NPHP4: variants seen among roughly 807,000 people sequenced by gnomAD.
NPHP4 encodes the protein nephrocystin 4, also known as nephrocystin-4.
In NPHP4, 151 loss-of-function variants were observed where a neutral mutation model predicts 155.8. The observed-to-expected ratio is 0.97, with a 90% CI of 0.85 to 1.11. The LOEUF is 1.11. Ranked by LOEUF, NPHP4 falls within the 50% of genes least tolerant of loss-of-function variation. NPHP4 has a pLI of 0.00. For synonymous variants in NPHP4, 845 were observed against 816.8 expected (o/e 1.03, Z -0.59); for missense variants, 1,956 against 1,925.7 (o/e 1.02, Z -0.29).
intron 3 of NPHP4, among the ~76,000 whole-genome samples, chr1:5,970,595 A>G (rs1652381082): frequency 6.6e-6 from 1 of 152,170 alleles, no homozygotes; most frequent in African/African-American, 2.4e-5. Context: ...GCGCATCCCC[A>G]GGCATCAGGA....
rs563403754 is a variant in NPHP4 at position 5,910,690 on chromosome 1, G to A, written c.1442-1477C>T. ...AATCCCAAAAAAACAAAAACAACAA[G>A]GAAAATGCTGTCGACCAAGGAGAAA... On this transcript the variant is annotated intron_variant, in intron 11 of 29. Transcript: ENST00000378156. This position sits in a 1 kb window ranked among gnomAD's most constrained non-coding sequence, Gnocchi z 5.4. Among the ~76,000 whole-genome samples, 4 of 152,298 alleles carry A rather than the reference G, an allele frequency of 2.6e-5. No homozygotes were observed. The highest frequency in any genetic ancestry group is 1.3e-4 in the Admixed American group (2 of 15,300).
At chr1:5,885,728 C>A (rs904442198) in intron 18 of NPHP4, among the ~76,000 whole-genome samples, 2 of 152,250 alleles carry the variant, frequency 1.3e-5, no homozygotes, top group East Asian at 1.9e-4. Flanking sequence ...GGTAACCCTG[C>A]AGGCTTCCAT....
chr1:5,946,862 C>G (rs1349481358), intron 9 of NPHP4, among the ~76,000 whole-genome samples: 3 of 152,252 alleles, frequency 2.0e-5, no homozygotes, highest in African/African-American at 7.2e-5. Context: ...GCCCAGAGGG[C>G]GGTGCCCAGG....
intron 16 of NPHP4, among the ~76,000 whole-genome samples, chr1:5,901,861 A>C (rs2101079256): frequency 6.6e-6 from 1 of 152,294 alleles, no homozygotes; most frequent in Non-Finnish European, 1.5e-5. Context: ...TGTCTACCAA[A>C]GGCCTCAGGA....
Position 5,889,527 on chromosome 1 carries a change from G to A in NPHP4, c.2304+1341C>T, listed in dbSNP as rs1052995412. Reference sequence around the variant, plus strand: ...GTCTCCAGGTGGCACAGCAAAGAGGGGGCACAAGGCTCGGCTGGGCACGAC... The same window carrying A: ...GTCTCCAGGTGGCACAGCAAAGAGGAGGCACAAGGCTCGGCTGGGCACGAC... On this transcript the variant is annotated intron_variant, in intron 17 of 29. Transcript: ENST00000378156. The surrounding 1 kb of genome is among the most constrained non-coding windows in gnomAD (Gnocchi z 4.2). 2.0e-5 allele frequency among the ~76,000 whole-genome samples: 3 copies of A among 151,790 alleles called. No individual in the cohort carries two copies. Among genetic ancestry groups the A allele is most frequent in the African/African-American group, 7.3e-5 (3 of 41,296 alleles).
chr1:5,935,752 G>T lies in NPHP4; in HGVS notation c.1120-2423C>A, dbSNP rs144741296. Among the ~76,000 whole-genome samples the T allele has an allele frequency of 7.3e-3, 1,113 of 152,268 alleles. 12 individuals are homozygous for T. Among genetic ancestry groups the T allele is most frequent in the African/African-American group, 0.024 (1,007 of 41,538 alleles). On this transcript the variant is annotated intron_variant, in intron 9 of 29. Coordinates refer to ENST00000378156, the MANE Select transcript of NPHP4 (RefSeq NM_015102.5). ...CAGCTGGGCATGGTTGTAGGCACCT[G>T]TAATCCCAGCTACTCGGGAGGCTGA...
At chr1:5,931,344 A>C (rs1302073363) in intron 10 of NPHP4, among the ~76,000 whole-genome samples, 4 of 151,668 alleles carry the variant, frequency 2.6e-5, no homozygotes, top group Non-Finnish European at 5.9e-5. Context: ...TTCCCAGTGC[A>C]TTTAAAAGTT....
At chr1:5,888,785 T>C (rs141488357) in intron 17 of NPHP4, among the ~76,000 whole-genome samples, 1 of 152,328 alleles carries the variant, frequency 6.6e-6, no homozygotes, top group East Asian at 1.9e-4. Flanking sequence ...CAGTGCCCTC[T>C]GTCTTCAGGA....
intron 16 of NPHP4, among the ~76,000 whole-genome samples, chr1:5,904,416 C>T (rs1204524584): frequency 2.6e-5 from 4 of 152,146 alleles, no homozygotes; most frequent in African/African-American, 9.7e-5. Context: ...TTCAAAATAA[C>T]CCTGGCTTGG....
chr1:5,909,429 G>T (rs1039219013), intron 11 of NPHP4, among the ~76,000 whole-genome samples: 4 of 152,192 alleles, frequency 2.6e-5, no homozygotes, highest in Non-Finnish European at 4.4e-5. Flanking sequence ...CAGCAGCCAG[G>T]AGAGGGGGTA....
intron 26 of NPHP4, chr1:5,865,709 T>C (rs1222652672): frequency 6.0e-6 from 1 of 168,006 alleles, no homozygotes; most frequent in African/African-American, 2.4e-5. Context: ...AAGCCCCTGT[T>C]AGCATTTTAG....
At chr1:5,904,478 G>A in intron 16 of NPHP4, 139 bp downstream of exon 16, 2 of 617,574 alleles carry the variant, frequency 3.2e-6, no homozygotes, top group South Asian at 6.2e-5. Context: ...CTAAGTGTTT[G>A]CTGCACTGGT....
chr1:5,966,662 G>A (rs536836301), intron 5 of NPHP4, among the ~76,000 whole-genome samples: 44 of 152,028 alleles, frequency 2.9e-4, no homozygotes, highest in Non-Finnish European at 4.0e-4. Context: ...ATCCACCTCC[G>A]GCCACTCTTC....
rs548341780 is a variant in NPHP4, at chr1:5,925,799, T to C, written c.1441+1850A>G. Among the ~76,000 whole-genome samples, 3 of 152,260 alleles carry C rather than the reference T, an allele frequency of 2.0e-5. No homozygotes were observed. The East Asian group carries it at 5.8e-4, about 29-fold the overall frequency. ...TCCAGCTAATTTTTTGTATTTTTAG[T>C]AGAGACGGGGTTTCACCGTGTTAGC... On this transcript the variant is annotated intron_variant, in intron 11 of 29. Coordinates refer to ENST00000378156, the MANE Select transcript of NPHP4 (RefSeq NM_015102.5).
rs1424301086 is a variant in NPHP4, at chr1:5,890,508, G to C, written c.2304+360C>G. 1.3e-5 allele frequency among the ~76,000 whole-genome samples: 2 copies of C among 152,110 alleles called. No individual in the cohort carries two copies. The highest frequency in any genetic ancestry group is 2.9e-5 in the Non-Finnish European group (2 of 68,030). ...CACACTGCACACCCCAGTCATTCGC[G>C]TATCCATTCATTCATCCTCAACCCA... On this transcript the variant is annotated intron_variant, in intron 17 of 29. Transcript: ENST00000378156. The surrounding 1 kb of genome is among the most constrained non-coding windows in gnomAD (Gnocchi z 4.9).
intron 3 of NPHP4, among the ~76,000 whole-genome samples, chr1:5,975,749 T>C (rs1183215312): frequency 2.0e-5 from 3 of 152,166 alleles, no homozygotes; most frequent in Admixed American, 1.3e-4. Flanking sequence ...TGCCAGGATG[T>C]GGTGAAATGC....
At chr1:5,878,488 T>C (rs1461801597) in intron 19 of NPHP4, among the ~76,000 whole-genome samples, 1 of 152,188 alleles carries the variant, frequency 6.6e-6, no homozygotes, top group African/African-American at 2.4e-5. Flanking sequence ...AACAAATACC[T>C]CTCGTGGTCC....
At position 5,864,661 on chromosome 1, in the gene NPHP4, C is replaced by T. The variant is rs1302675828; in HGVS notation, c.3817-144G>A. 3.4e-5 allele frequency: 23 copies of T among 679,724 alleles called. No individual in the cohort carries two copies. In the East Asian group the frequency reaches 6.4e-4, roughly 19 times the overall value. 42.1% of individuals were successfully genotyped at this position (679,724 alleles called of 1,614,324 possible). On this transcript the variant is annotated intron_variant, in intron 27 of 29. Coordinates refer to ENST00000378156, the MANE Select transcript of NPHP4 (RefSeq NM_015102.5). The stretch of plus-strand genomic sequence containing the variant: ...CGGCCAAATCTGAGGCCACAACCAA[C>T]CCTGACATGACTGTGGCCGCGACTT...
rs1439235782 is a variant in NPHP4 at position 5,978,396 on chromosome 1, C to T, written c.153G>A (p.Leu51=). ...PVIRQGVLEV[L]SEVECHLRVS... is the part of the protein sequence containing the mutation. The stretch of plus-strand genomic sequence containing the variant: ...CTCGCAGATGGCATTCAACCTCTGA[C>T]AGTACCTCCAGCACGCCCTAGGAGA... Residue 51 remains leucine (L), a synonymous_variant, in exon 3 of 30, where the codon CTG becomes CTA. Coordinates refer to ENST00000378156, the MANE Select transcript of NPHP4 (RefSeq NM_015102.5). 3.1e-6 allele frequency: 5 copies of T among 1,604,544 alleles called. No individual in the cohort carries two copies. Among genetic ancestry groups the T allele is most frequent in the Admixed American group, 3.4e-5 (2 of 58,758 alleles).
Sources: gnomAD v4.1 joint callset for allele counts (sites outside exome capture counted in the v4.1 genomes callset) on GRCh38, gnomAD v4.1.1 for gene constraint, Gnocchi (gnomAD v3.1) non-coding constraint, MANE v1.5 for transcripts, NCBI Gene and HGNC (gene_info 2026-07-23, HGNC 2026-07-21) for gene names.